The following GRID2 variants were observed in gnomAD, a reference collection of about 807,000 sequenced individuals.
The protein encoded by GRID2 is glutamate ionotropic receptor delta type subunit 2.
A neutral mutation model predicts 114.8 loss-of-function variants in GRID2; 33 were observed. The ratio of observed to expected loss-of-function variants is 0.29; its 90% CI spans 0.22 to 0.38. The LOEUF (loss-of-function observed/expected upper bound fraction) is 0.38, where lower values mean the gene tolerates loss of function less well. Among genes scored for constraint, GRID2 ranks in the 10% least tolerant of loss-of-function variants. The probability of loss-of-function intolerance (pLI) is 1.00; values close to 1 mark genes in which losing one functional copy is unlikely to be tolerated. For missense variants in GRID2, 1,184 were observed against 1,257.7 expected (o/e 0.94, Z 0.89); for synonymous variants, 505 against 449.9 (o/e 1.12, Z -1.55).
At chr4:92,461,033 TTCTG>T (rs534075618) in intron 1 of GRID2, among the ~76,000 whole-genome samples, 3 of 151,750 alleles carry the variant, frequency 2.0e-5, no homozygotes, top group African/African-American at 4.8e-5. Flanking sequence ...TTCCATAAAT[TTCTG>T]TCTATTGTTT....
At chr4:92,451,317 A>G (rs1720911576) in intron 1 of GRID2, among the ~76,000 whole-genome samples, 1 of 152,210 alleles carries the variant, frequency 6.6e-6, no homozygotes, top group Non-Finnish European at 1.5e-5. Flanking sequence ...TAATTAAATC[A>G]TCATAATTTG....
At chr4:93,029,385 A>C (rs1267228881) in intron 2 of GRID2, among the ~76,000 whole-genome samples, 2 of 152,102 alleles carry the variant, frequency 1.3e-5, no homozygotes, top group Admixed American at 6.6e-5. Context: ...ATTTGAAGAC[A>C]TATCGATCTA....
At chr4:92,577,065 G>A (rs1224017838) in intron 1 of GRID2, among the ~76,000 whole-genome samples, 1 of 151,952 alleles carries the variant, frequency 6.6e-6, no homozygotes, top group Non-Finnish European at 1.5e-5. Context: ...GATTTTAATA[G>A]GCTTCAGAAG....
chr4:93,190,470 C>A (rs770046648), intron 4 of GRID2, among the ~76,000 whole-genome samples: 1 of 152,122 alleles, frequency 6.6e-6, no homozygotes, highest in African/African-American at 2.4e-5. Flanking sequence ...AACCACCTGA[C>A]AATTTCAATT....
intron 2 of GRID2, among the ~76,000 whole-genome samples, chr4:92,795,940 A>G (rs951035845): frequency 5.9e-5 from 9 of 151,860 alleles, no homozygotes; most frequent in African/African-American, 2.2e-4. Flanking sequence ...CCACATCCAC[A>G]GTTTCTTTCA....
chr4:92,786,344 G>C (rs745801763), intron 2 of GRID2, among the ~76,000 whole-genome samples: 2 of 151,860 alleles, frequency 1.3e-5, no homozygotes, highest in East Asian at 3.9e-4. Flanking sequence ...AATATTTATC[G>C]TGATATCTGC....
intron 10 of GRID2, among the ~76,000 whole-genome samples, chr4:93,440,692 T>G (rs1721543900): frequency 1.3e-5 from 2 of 152,194 alleles, no homozygotes; most frequent in South Asian, 2.1e-4. Context: ...TTAACACTAA[T>G]GAAGGAAAAG....
At chr4:92,550,434 TA>T (rs1243108053) in intron 1 of GRID2, among the ~76,000 whole-genome samples, 1 of 152,212 alleles carries the variant, frequency 6.6e-6, no homozygotes, top group Non-Finnish European at 1.5e-5. Flanking sequence ...CACCTACCAT[TA>T]AATGTTAACA....
chr4:92,963,525 G>T (rs1752953063), intron 2 of GRID2, among the ~76,000 whole-genome samples: 1 of 151,890 alleles, frequency 6.6e-6, no homozygotes, highest in Admixed American at 6.6e-5. Flanking sequence ...TTTATTGTCA[G>T]ATTGTAGCAA....
chr4:93,065,808 CT>C (rs1230065445), intron 2 of GRID2, among the ~76,000 whole-genome samples: 1 of 151,804 alleles, frequency 6.6e-6, no homozygotes, highest in African/African-American at 2.4e-5. Flanking sequence ...CTTTAAGCTC[CT>C]GTTTAGCTGT....
At chr4:93,348,017 A>G (rs1760414245) in intron 8 of GRID2, among the ~76,000 whole-genome samples, 1 of 152,134 alleles carries the variant, frequency 6.6e-6, no homozygotes, top group African/African-American at 2.4e-5. Context: ...CTGGGTCTTT[A>G]TATACTTGTG....
At chr4:93,179,742 G>C (rs1248776288) in intron 4 of GRID2, among the ~76,000 whole-genome samples, 1 of 152,014 alleles carries the variant, frequency 6.6e-6, no homozygotes, top group Non-Finnish European at 1.5e-5. Flanking sequence ...ACGTAACCAA[G>C]GTACCACAAA....
chr4:93,091,581 T>G (rs1038342263), intron 3 of GRID2, among the ~76,000 whole-genome samples: 12 of 152,170 alleles, frequency 7.9e-5, no homozygotes, highest in Admixed American at 5.2e-4. Flanking sequence ...TCCCTCTACC[T>G]CCAGCAAATT....
At chr4:92,961,942 C>T (rs543562948) in intron 2 of GRID2, among the ~76,000 whole-genome samples, 19 of 151,654 alleles carry the variant, frequency 1.3e-4, no homozygotes, top group African/African-American at 4.6e-4. Flanking sequence ...CAACCATGAC[C>T]GATCTACTAA....
At chr4:92,962,043 T>G (rs1752854250) in intron 2 of GRID2, among the ~76,000 whole-genome samples, 1 of 151,920 alleles carries the variant, frequency 6.6e-6, no homozygotes, top group Non-Finnish European at 1.5e-5. Context: ...TCCGTCTCTC[T>G]GCCTACATTG....
At chr4:93,275,746 C>T (rs1236969175) in intron 8 of GRID2, among the ~76,000 whole-genome samples, 1 of 151,744 alleles carries the variant, frequency 6.6e-6, no homozygotes, top group Non-Finnish European at 1.5e-5. Context: ...TTCCTGTGCT[C>T]GTTGGCCATT....
chr4:93,481,644 C>T (rs1725875987), intron 11 of GRID2, among the ~76,000 whole-genome samples: 1 of 152,038 alleles, frequency 6.6e-6, no homozygotes, highest in Non-Finnish European at 1.5e-5. Context: ...TCATTCCATG[C>T]CAACTCTGGT....
chr4:93,179,190 AT>A (rs879563955), intron 4 of GRID2, among the ~76,000 whole-genome samples: 6 of 152,080 alleles, frequency 3.9e-5, no homozygotes, highest in Non-Finnish European at 8.8e-5. Flanking sequence ...TTTGTAACAC[AT>A]TTTTTTCCCA....
At chr4:92,759,842 G>T (rs2149344497) in intron 2 of GRID2, among the ~76,000 whole-genome samples, 1 of 150,726 alleles carries the variant, frequency 6.6e-6, no homozygotes, top group South Asian at 2.1e-4. Context: ...AGTCAGGCTG[G>T]TCATGAACTC....
Sources: allele counts gnomAD v4.1 joint callset (sites outside exome capture counted in the v4.1 genomes callset), GRCh38; gene constraint gnomAD v4.1.1; transcripts MANE v1.5; gene names NCBI Gene and HGNC (gene_info 2026-07-23, HGNC 2026-07-21).